KCNJ15: variants seen among roughly 807,000 people sequenced by gnomAD.
KCNJ15 encodes potassium inwardly rectifying channel subfamily J member 15.
Under a neutral mutation model 23.0 loss-of-function variants are expected in KCNJ15, and 14 were observed. That is an observed-to-expected ratio of 0.61 (90% CI 0.40 to 0.95). The LOEUF is 0.95. Among genes scored for constraint, KCNJ15 ranks in the 40% least tolerant of loss-of-function variants. The probability of loss-of-function intolerance (pLI) is 0.00; values close to 1 mark genes in which losing one functional copy is unlikely to be tolerated. For synonymous variants in KCNJ15, 185 were observed against 183.2 expected (o/e 1.01, Z -0.08); for missense variants, 388 against 461.8 (o/e 0.84, Z 1.46).
chr21:38,288,026 C>CTTTTCTTTTTTTTTTTT (rs1171718120), intron 1 of KCNJ15, among the ~76,000 whole-genome samples: 1 of 78,170 alleles, frequency 1.3e-5, no homozygotes, highest in Admixed American at 2.0e-4. Context: ...TTGTTTTTTT[C>CTTTTCTTTTTTTTTTTT]TTTGTTTTTT....
At chr21:38,290,706 C>T (rs549739469) in intron 1 of KCNJ15, among the ~76,000 whole-genome samples, 5 of 152,100 alleles carry the variant, frequency 3.3e-5, no homozygotes, top group South Asian at 2.1e-4. Context: ...GGAGATGCTG[C>T]GGTTGGATGA....
intron 2 of KCNJ15, among the ~76,000 whole-genome samples, chr21:38,297,555 A>G (rs1985287808): frequency 6.6e-6 from 1 of 151,708 alleles, no homozygotes. Context: ...GCTGGTGCTC[A>G]TGTTACAAGT....
At position 38,299,493 on chromosome 21, in the gene KCNJ15, T is replaced by G. The variant is rs1298394258; in HGVS notation, c.232T>G (p.Trp78Gly). 1 of 1,614,206 alleles carries G rather than the reference T, an allele frequency of 6.2e-7. No individual in the cohort carries two copies. Among genetic ancestry groups the G allele is most frequent in the Admixed American group, 1.7e-5 (1 of 60,022 alleles). Residue 78 changes from tryptophan to glycine, a missense_variant, in exon 3 of 3, where the codon TGG becomes GGG. Transcript: ENST00000398938. The surrounding 1 kb of genome is among the most constrained non-coding windows in gnomAD (Gnocchi z 4.5). ...GTTCGCTGCCACTTTTGTGATGACC[T>G]GGTTCCTTTTTGGAGTCATCTACTA... ...TLFAATFVMT[W>G]FLFGVIYYAI... is the part of the protein sequence containing the mutation.
intron 1 of KCNJ15, among the ~76,000 whole-genome samples, chr21:38,270,286 T>A (rs920446449): frequency 1.3e-5 from 2 of 152,108 alleles, no homozygotes; most frequent in African/African-American, 4.8e-5. Flanking sequence ...TCCAATCAGA[T>A]TACGAGCCCC....
intron 1 of KCNJ15, among the ~76,000 whole-genome samples, chr21:38,270,664 G>A (rs544514826): frequency 1.1e-3 from 162 of 152,172 alleles, no homozygotes; most frequent in Admixed American, 2.7e-3. Flanking sequence ...TCACCAAAAT[G>A]CCCAACACGA....
intron 1 of KCNJ15, among the ~76,000 whole-genome samples, chr21:38,243,759 T>C (rs764791463): frequency 1.6e-4 from 24 of 152,242 alleles, no homozygotes; most frequent in Non-Finnish European, 3.4e-4. Context: ...TCTGCCATTT[T>C]AGCCTGAAAA....
intron 1 of KCNJ15, among the ~76,000 whole-genome samples, chr21:38,289,955 C>T (rs1366912308): frequency 6.6e-6 from 1 of 152,190 alleles, no homozygotes; most frequent in Non-Finnish European, 1.5e-5. Context: ...TGGTAAACCA[C>T]AGGAAATTTC....
intron 1 of KCNJ15, among the ~76,000 whole-genome samples, chr21:38,279,157 C>G (rs555280839): frequency 6.6e-6 from 1 of 151,662 alleles, no homozygotes; most frequent in Admixed American, 6.5e-5. Flanking sequence ...GAGTATTTTT[C>G]AGTGCCTGAG....
At chr21:38,264,641 C>T (rs1049735483) in intron 1 of KCNJ15, among the ~76,000 whole-genome samples, 3 of 152,232 alleles carry the variant, frequency 2.0e-5, no homozygotes, top group Non-Finnish European at 4.4e-5. Flanking sequence ...ATCCTGCAAA[C>T]GCACAGCAGA....
At chr21:38,271,474 A>G (rs918580874) in intron 1 of KCNJ15, among the ~76,000 whole-genome samples, 3 of 152,258 alleles carry the variant, frequency 2.0e-5, no homozygotes, top group African/African-American at 7.2e-5. Context: ...GGCAACAGAG[A>G]TCAGAGGAGT....
intron 1 of KCNJ15, among the ~76,000 whole-genome samples, chr21:38,264,374 C>T (rs778010216): frequency 2.0e-5 from 3 of 152,200 alleles, no homozygotes; most frequent in African/African-American, 7.2e-5. Flanking sequence ...CTGTGGGATT[C>T]CCTCCCCATT....
At chr21:38,289,306 G>A (rs892031205) in intron 1 of KCNJ15, among the ~76,000 whole-genome samples, 1 of 151,316 alleles carries the variant, frequency 6.6e-6, no homozygotes, top group African/African-American at 2.4e-5. Flanking sequence ...AAACCCAAAC[G>A]CTGTGGATTT....
chr21:38,254,607 A>G (rs1293260903), upstream of KCNJ15, among the ~76,000 whole-genome samples: 1 of 152,238 alleles, frequency 6.6e-6, no homozygotes, highest in Non-Finnish European at 1.5e-5. Flanking sequence ...ATGCATATGT[A>G]TGCTCAAAAT....
At position 38,263,736 on chromosome 21, in the gene KCNJ15, G is replaced by GT. The variant is rs139796282; in HGVS notation, c.-117+6552dup. Among the ~76,000 whole-genome samples the GT allele has an allele frequency of 0.012, 1,805 of 152,286 alleles. 101 individuals carry two copies. The East Asian group carries it at 0.16, about 14-fold the overall frequency. ...TGTGATGTCCAGGCTCCATTTAGGT[G>GT]TAAGTTGTACTACTGGGGCCTGACT... is the stretch of plus-strand genomic sequence containing the variant. On this transcript the variant is annotated intron_variant, in intron 1 of 2. Coordinates refer to ENST00000398938, the MANE Select transcript of KCNJ15 (RefSeq NM_170736.3).
chr21:38,232,736 T>C (rs4817930), intron 1 of KCNJ15, among the ~76,000 whole-genome samples: 54,418 of 151,814 alleles, frequency 0.36, 11,521 homozygotes, highest in East Asian at 0.75. Context: ...TGTTATTTAA[T>C]TTCCAAATAT....
intron 1 of KCNJ15, among the ~76,000 whole-genome samples, chr21:38,248,894 C>A (rs1260808945): frequency 6.6e-6 from 1 of 151,920 alleles, no homozygotes; most frequent in African/African-American, 2.4e-5. Flanking sequence ...AATTCCCATG[C>A]CTTCCCTTCT....
At chr21:38,283,268 G>A (rs182569568) in intron 1 of KCNJ15, among the ~76,000 whole-genome samples, 241 of 152,298 alleles carry the variant, frequency 1.6e-3, no homozygotes, top group Non-Finnish European at 2.6e-3. Flanking sequence ...GAAATGGTCT[G>A]TGCTAGGGAA....
chr21:38,230,499 G>T (rs1229569174), intron 1 of KCNJ15, among the ~76,000 whole-genome samples: 1 of 151,896 alleles, frequency 6.6e-6, no homozygotes, highest in Non-Finnish European at 1.5e-5. Context: ...TCACTTTCCT[G>T]ATTGTATTAT....
chr21:38,238,258 GGATCCAT>G (rs932359928), intron 1 of KCNJ15: 1 of 658,754 alleles, frequency 1.5e-6, no homozygotes, highest in African/African-American at 1.8e-5. Flanking sequence ...TAATTCACAG[GGATCCAT>G]GATGAGCATT....
Sources: allele counts gnomAD v4.1 joint callset (sites outside exome capture counted in the v4.1 genomes callset), GRCh38; gene constraint gnomAD v4.1.1; non-coding constraint Gnocchi (gnomAD v3.1); transcripts MANE v1.5; gene names NCBI Gene and HGNC (gene_info 2026-07-23, HGNC 2026-07-21).